The following ANK3 variants were observed in gnomAD, a reference collection of about 807,000 sequenced individuals.
ANK3 encodes ankyrin 3.
In ANK3, 57 loss-of-function variants were observed where a neutral mutation model predicts 370.9. The ratio of observed to expected loss-of-function variants is 0.15; its 90% CI spans 0.12 to 0.19. The LOEUF is 0.19. Among genes scored for constraint, ANK3 ranks in the 10% least tolerant of loss-of-function variants. The probability of loss-of-function intolerance (pLI) is 1.00; values close to 1 mark genes in which losing one functional copy is unlikely to be tolerated. For synonymous variants in ANK3, 1,929 were observed against 1,946.3 expected, an observed-to-expected ratio of 0.99 and a Z score of 0.23; for missense variants, 4,439 against 5,302.1, an observed-to-expected ratio of 0.84 and a Z score of 5.06.
rs1179885163 is a variant in ANK3 at position 60,104,397 on chromosome 10, CAAAG to C, written c.3328+1504_3328+1507del. Reference sequence around the variant, plus strand: ...AAAAAAAAAAAAAAAAAAAAAGAAACAAAGAAAGAAAGAAAAGAAAAGAAAAGAA... The same window carrying C: ...AAAAAAAAAAAAAAAAAAAAAGAAACAAAGAAAGAAAAGAAAAGAAAAGAA... On this transcript the variant is annotated intron_variant, in intron 28 of 43. Coordinates refer to ENST00000280772, the MANE Select transcript of ANK3 (RefSeq NM_020987.5). Among the ~76,000 whole-genome samples, 16 of 69,428 alleles carry C rather than the reference CAAAG, an allele frequency of 2.3e-4. No homozygotes were observed. The South Asian group carries it at 5.1e-3, about 22-fold the overall frequency. The allele number at this position is 69,428 out of a possible 152,430, so 45.5% of individuals were successfully genotyped here.
chr10:60,721,860 T>C (rs1276923554), intron 1 of ANK3, among the ~76,000 whole-genome samples: 5 of 152,214 alleles, frequency 3.3e-5, no homozygotes, highest in Admixed American at 3.3e-4. Context: ...ACCTTCATCA[T>C]AGTTCATATC....
chr10:60,343,084 T>C (rs2061487), intron 1 of ANK3, among the ~76,000 whole-genome samples: 106,060 of 152,036 alleles, frequency 0.7, 38,278 homozygotes, highest in South Asian at 0.91. Context: ...GGAGGACACA[T>C]ACTCGTGGGT....
chr10:60,181,654 A>T (rs2096192470), intron 17 of ANK3, among the ~76,000 whole-genome samples: 1 of 152,078 alleles, frequency 6.6e-6, no homozygotes, highest in Non-Finnish European at 1.5e-5. Context: ...ATCTCTACAA[A>T]AATTAGCCAG....
chr10:60,275,287 G>A (rs372752636), intron 4 of ANK3, among the ~76,000 whole-genome samples: 3 of 152,252 alleles, frequency 2.0e-5, no homozygotes, highest in African/African-American at 7.2e-5. Context: ...TGCTCTGAAT[G>A]TTTATAGTGG....
chr10:60,184,406 G>T (rs1372321086), intron 17 of ANK3, among the ~76,000 whole-genome samples: 3 of 152,182 alleles, frequency 2.0e-5, no homozygotes, highest in Non-Finnish European at 4.4e-5. Context: ...ACGGAGAAAG[G>T]ATGCAAGGAT....
chr10:60,640,420 C>T (rs1331859454), intron 1 of ANK3, among the ~76,000 whole-genome samples: 1 of 144,160 alleles, frequency 6.9e-6, no homozygotes, highest in Non-Finnish European at 1.5e-5. Flanking sequence ...TCCAGCAGCA[C>T]ATCAAAAAGC....
intron 7 of ANK3, among the ~76,000 whole-genome samples, chr10:60,240,316 CT>C: frequency 1.4e-5 from 1 of 73,098 alleles, no homozygotes; most frequent in Non-Finnish European, 2.9e-5. Flanking sequence ...ATTTTTTTTT[CT>C]TTTTGAGATA....
At chr10:60,299,854 T>C (rs2043305712) in intron 1 of ANK3, among the ~76,000 whole-genome samples, 1 of 152,218 alleles carries the variant, frequency 6.6e-6, no homozygotes, top group Non-Finnish European at 1.5e-5. Flanking sequence ...TATATGAGTT[T>C]CAAAAATAAA....
chr10:60,679,643 C>A (rs953136162), intron 1 of ANK3, among the ~76,000 whole-genome samples: 2 of 152,088 alleles, frequency 1.3e-5, no homozygotes, highest in Non-Finnish European at 2.9e-5. Context: ...ACCGTGCATG[C>A]GGATAGCCTA....
At position 60,662,727 on chromosome 10, in the gene ANK3, G is replaced by C. The variant is rs147716051; in HGVS notation, c.58-47503C>G. Among the ~76,000 whole-genome samples, 648 of 152,298 alleles carry C rather than the reference G, an allele frequency of 4.3e-3. 1 individual carries two copies. The highest frequency in any genetic ancestry group is 6.1e-3 in the Non-Finnish European group (412 of 68,022). ...GAAACATAAACGCAAGCTTCAAGAG[G>C]ACAGGAGCCTGTTTTCTTCACTACA... On this transcript the variant is annotated intron_variant, in intron 1 of 43. Coordinates refer to the ANK3 transcript ENST00000373827.
At chr10:60,251,210 G>A (rs1319726959) in intron 7 of ANK3, among the ~76,000 whole-genome samples, 7 of 152,088 alleles carry the variant, frequency 4.6e-5, no homozygotes, top group East Asian at 3.9e-4. Flanking sequence ...TTTCCACCTC[G>A]TATTTCAAAG....
At chr10:60,685,465 CT>C (rs1312675771) in intron 1 of ANK3, among the ~76,000 whole-genome samples, 1 of 151,944 alleles carries the variant, frequency 6.6e-6, no homozygotes, top group Non-Finnish European at 1.5e-5. Context: ...CATTAAAGTT[CT>C]GGACTAAGAA....
chr10:60,471,492 G>GT (rs1162392966), intron 2 of ANK3, among the ~76,000 whole-genome samples: 2 of 152,108 alleles, frequency 1.3e-5, no homozygotes, highest in African/African-American at 4.8e-5. Context: ...CAGTTGCATG[G>GT]ATGTACCAAC....
intron 7 of ANK3, 73 bp from the exon 8 acceptor site, chr10:60,234,859 C>A: frequency 2.3e-6 from 2 of 874,522 alleles, no homozygotes; most frequent in South Asian, 1.4e-5. Context: ...AAACTTCCCC[C>A]AACATATCCC....
intron 2 of ANK3, among the ~76,000 whole-genome samples, chr10:60,597,245 CA>C (rs1250819468): frequency 6.6e-6 from 1 of 152,090 alleles, no homozygotes; most frequent in African/African-American, 2.4e-5. Flanking sequence ...TCCCTCCTAC[CA>C]CACATGTTCT....
chr10:60,202,644 T>C (rs1591669077), intron 12 of ANK3, among the ~76,000 whole-genome samples: 1 of 152,212 alleles, frequency 6.6e-6, no homozygotes, highest in South Asian at 2.1e-4. Flanking sequence ...TGGTGGCTCA[T>C]GCCTATAAGC....
At chr10:60,571,585 A>T (rs2077601523) in intron 2 of ANK3, among the ~76,000 whole-genome samples, 1 of 152,186 alleles carries the variant, frequency 6.6e-6, no homozygotes, top group East Asian at 1.9e-4. Context: ...TACAGCACAC[A>T]TTCTCCTTAA....
At chr10:60,704,895 G>A (rs1309985535) in intron 1 of ANK3, among the ~76,000 whole-genome samples, 1 of 152,106 alleles carries the variant, frequency 6.6e-6, no homozygotes, top group Non-Finnish European at 1.5e-5. Context: ...TAGATCATAG[G>A]TGGTATCTAT....
At chr10:60,490,252 A>G (rs750713061) in intron 2 of ANK3, among the ~76,000 whole-genome samples, 12 of 152,286 alleles carry the variant, frequency 7.9e-5, no homozygotes, top group Non-Finnish European at 1.2e-4. Context: ...CTAGATCAAC[A>G]TCATCTAAAA....
Sources: allele counts gnomAD v4.1 joint callset (sites outside exome capture counted in the v4.1 genomes callset), GRCh38; gene constraint gnomAD v4.1.1; transcripts MANE v1.5; gene names NCBI Gene and HGNC (gene_info 2026-07-23, HGNC 2026-07-21).